SDK1: variants seen among roughly 807,000 people sequenced by gnomAD.
The protein encoded by SDK1 is sidekick cell adhesion molecule 1.
A neutral mutation model predicts 245.5 loss-of-function variants in SDK1; 157 were observed. That is an observed-to-expected ratio of 0.64 (90% CI 0.56 to 0.73). The LOEUF is 0.73. Among genes scored for constraint, SDK1 ranks in the 30% least tolerant of loss-of-function variants. The probability of loss-of-function intolerance (pLI) is 0.00; values close to 1 mark genes in which losing one functional copy is unlikely to be tolerated. For synonymous variants in SDK1, 1,647 were observed against 1,278.5 expected, an observed-to-expected ratio of 1.29 and a Z score of -6.15; for missense variants, 3,583 against 3,002.3, an observed-to-expected ratio of 1.19 and a Z score of -4.52.
At chr7:3,965,868 G>A (rs960621166) in intron 9 of SDK1, among the ~76,000 whole-genome samples, 2 of 151,996 alleles carry the variant, frequency 1.3e-5, no homozygotes, top group Admixed American at 1.3e-4. Flanking sequence ...GCATTGCATG[G>A]GCTGGAGGGG....
At chr7:4,225,026 C>T (rs1377649925) in intron 40 of SDK1, among the ~76,000 whole-genome samples, 1 of 136,046 alleles carries the variant, frequency 7.4e-6, no homozygotes. Context: ...AAGACACCCG[C>T]ACTAGAAAAC....
chr7:4,075,818 CTAATTTTTATATTT>C lies in SDK1; in HGVS notation c.3011-1177_3011-1164del, dbSNP rs577197856. On this transcript the variant is annotated intron_variant, in intron 20 of 44. Transcript: ENST00000404826. Reference sequence around the variant, plus strand: ...TACAGGCGCCCACCACCATGCATGGCTAATTTTTATATTTTAGTAGAGACGGGGTTTCACATGTT... The same window carrying C: ...TACAGGCGCCCACCACCATGCATGGCTAGTAGAGACGGGGTTTCACATGTT... Among the ~76,000 whole-genome samples the C allele has an allele frequency of 8.5e-5, 13 of 152,220 alleles. No individual in the cohort carries two copies. In the South Asian group the frequency reaches 2.7e-3, roughly 32 times the overall value.
At chr7:3,626,927 A>G (rs1277987760) in intron 2 of SDK1, among the ~76,000 whole-genome samples, 1 of 147,862 alleles carries the variant, frequency 6.8e-6, no homozygotes, top group Non-Finnish European at 1.5e-5. Flanking sequence ...AGGTTCAACA[A>G]TTTTTTTTTT....
At chr7:3,513,356 T>A (rs1389055091) in intron 1 of SDK1, among the ~76,000 whole-genome samples, 1 of 152,160 alleles carries the variant, frequency 6.6e-6, no homozygotes, top group Non-Finnish European at 1.5e-5. Context: ...TTTTTTAAAT[T>A]TCGGTTATTC....
At chr7:4,174,682 G>A (rs956390244) in intron 33 of SDK1, among the ~76,000 whole-genome samples, 1 of 152,142 alleles carries the variant, frequency 6.6e-6, no homozygotes, top group East Asian at 1.9e-4. Context: ...GAGGCAGGGG[G>A]CCAGTAGGAA....
intron 5 of SDK1, among the ~76,000 whole-genome samples, chr7:3,868,407 A>G (rs1048516906): frequency 3.3e-5 from 5 of 152,214 alleles, no homozygotes; most frequent in Non-Finnish European, 7.3e-5. Flanking sequence ...ACTATACTTT[A>G]TTAAAGAAGG....
intron 1 of SDK1, among the ~76,000 whole-genome samples, chr7:3,533,251 T>C (rs1355344525): frequency 1.3e-5 from 2 of 152,124 alleles, no homozygotes; most frequent in Non-Finnish European, 2.9e-5. Context: ...ATTTCCAACA[T>C]GTGGTGATGC....
At chr7:3,596,556 A>G (rs1327664335) in intron 1 of SDK1, among the ~76,000 whole-genome samples, 1 of 152,002 alleles carries the variant, frequency 6.6e-6, no homozygotes, top group Non-Finnish European at 1.5e-5. Context: ...CCACCTCCTC[A>G]CTCCAGATGA....
intron 15 of SDK1, 70 bp downstream of exon 15, chr7:4,011,183 A>G: frequency 1.9e-6 from 3 of 1,554,914 alleles, no homozygotes; most frequent in Non-Finnish European, 2.6e-6. Flanking sequence ...GAAGCATCAC[A>G]TTATGTGGTG....
chr7:3,876,587 A>G (rs1395736826), intron 5 of SDK1, among the ~76,000 whole-genome samples: 1 of 152,234 alleles, frequency 6.6e-6, no homozygotes, highest in Non-Finnish European at 1.5e-5. Context: ...AGAACTCATA[A>G]CATCTTAAGA....
Position 4,268,570 on chromosome 7 carries a change from A to G in SDK1, c.*3186A>G, listed in dbSNP as rs1164389615. ...CCCCGGGAGGTGGCTCACTCTGTAC[A>G]GGTCTTCGGAGGCCGTGTTTGTATC... On this transcript the variant is annotated 3_prime_UTR_variant, in exon 45 of 45. Coordinates refer to ENST00000404826, the MANE Select transcript of SDK1 (RefSeq NM_152744.4). The G allele has an allele frequency of 1.7e-5, 23 of 1,341,374 alleles. No homozygotes were observed. The highest frequency in any genetic ancestry group is 2.2e-5 in the Non-Finnish European group (22 of 1,008,616). 83.1% of individuals were successfully genotyped at this position (1,341,374 alleles called of 1,614,324 possible). A position where few individuals can be genotyped will look rare whatever the true frequency, so the allele number is the denominator to read the frequency against.
chr7:3,847,674 G>A (rs913270284), intron 5 of SDK1, among the ~76,000 whole-genome samples: 6 of 152,178 alleles, frequency 3.9e-5, no homozygotes, highest in African/African-American at 9.6e-5. Flanking sequence ...TTTGAAAGCC[G>A]TGTGTCCCCT....
intron 5 of SDK1, among the ~76,000 whole-genome samples, chr7:3,831,817 C>T (rs1779919093): frequency 6.6e-6 from 1 of 152,008 alleles, no homozygotes; most frequent in Non-Finnish European, 1.5e-5. Flanking sequence ...GAGGCTGAGG[C>T]AGGAGCATTG....
chr7:3,970,481 A>G (rs1364608257), intron 11 of SDK1, among the ~76,000 whole-genome samples: 5 of 152,216 alleles, frequency 3.3e-5, no homozygotes, highest in African/African-American at 1.2e-4. Context: ...AATAGTAACC[A>G]TACATTTAAC....
At chr7:3,477,135 C>T (rs1781368505) in intron 1 of SDK1, among the ~76,000 whole-genome samples, 1 of 150,322 alleles carries the variant, frequency 6.7e-6, no homozygotes, top group South Asian at 2.1e-4. Context: ...GTTGAGATTT[C>T]CTATTTGTAG....
intron 1 of SDK1, among the ~76,000 whole-genome samples, chr7:3,454,795 T>C (rs1387287358): frequency 1.3e-5 from 2 of 152,172 alleles, no homozygotes; most frequent in Non-Finnish European, 2.9e-5. Flanking sequence ...CTGTGAAAAT[T>C]TCCATGCAGG....
chr7:3,978,296 C>T (rs1004121360), intron 13 of SDK1, among the ~76,000 whole-genome samples: 2 of 152,174 alleles, frequency 1.3e-5, no homozygotes, highest in African/African-American at 2.4e-5. Flanking sequence ...TTTTATTCTG[C>T]ACAGTTTTAT....
Position 3,454,082 on chromosome 7 carries a change from T to C in SDK1, c.298+152198T>C, listed in dbSNP as rs553828871. On this transcript the variant is annotated intron_variant, in intron 1 of 44. Transcript: ENST00000404826. ...AGGCTAACTTTTTTGTTATAACTTA[T>C]TTCCTATTCACAGTACATCACCAGC... 5.3e-5 allele frequency among the ~76,000 whole-genome samples: 8 copies of C among 152,334 alleles called. No homozygotes were observed. In the South Asian group the frequency reaches 1.7e-3, roughly 32 times the overall value.
rs377649546 is a variant in SDK1, at chr7:3,677,115, G to A, written c.713+35010G>A. ...ACTTTTTTCAAATATCCTTTTCTTA[G>A]TGAAGACTTTTCTGGCCACCCTACT... is the stretch of plus-strand genomic sequence containing the variant. On this transcript the variant is annotated intron_variant, in intron 4 of 44. Transcript: ENST00000404826. Among the ~76,000 whole-genome samples the A allele has an allele frequency of 1.8e-4, 27 of 152,140 alleles. No homozygotes were observed. The East Asian group carries it at 2.5e-3, about 14-fold the overall frequency.
Sources: allele counts gnomAD v4.1 joint callset (sites outside exome capture counted in the v4.1 genomes callset), GRCh38; gene constraint gnomAD v4.1.1; transcripts MANE v1.5; gene names NCBI Gene and HGNC (gene_info 2026-07-23, HGNC 2026-07-21).